Variants in MLC1 observed in about 807,000 individuals in gnomAD.
The protein encoded by MLC1 is membrane protein MLC1.
In MLC1, 32 loss-of-function variants were observed where a neutral mutation model predicts 44.7. That is an observed-to-expected ratio of 0.72 (90% CI 0.54 to 0.96). The LOEUF is 0.96. Ranked by LOEUF, MLC1 falls within the 40% of genes least tolerant of loss-of-function variation. The pLI is 0.00. For synonymous variants in MLC1, 190 were observed against 213.0 expected (o/e 0.89, Z 0.94); for missense variants, 459 against 492.2 (o/e 0.93, Z 0.64).
chr22:50,083,063 G>C lies in MLC1; in HGVS notation c.267+21C>G. The C allele has an allele frequency of 3.1e-6, 5 of 1,611,530 alleles. No individual in the cohort carries two copies. The highest frequency in any genetic ancestry group is 4.2e-6 in the Non-Finnish European group (5 of 1,177,808). ...GCCGGCGAGCTTGGGCACTGGCAGA[G>C]GCGTGGAGGAAGCTGCTTACAGAGC... is the stretch of plus-strand genomic sequence containing the variant. On this transcript the variant is annotated intron_variant, in intron 3 of 11. Transcript: ENST00000311597. This position sits in a 1 kb window ranked among gnomAD's most constrained non-coding sequence, Gnocchi z 4.6.
At chr22:50,085,158 G>C in intron 1 of MLC1, 197 bp from the exon 2 acceptor site, 1 of 1,363,968 alleles carries the variant, frequency 7.3e-7, no homozygotes. Context: ...CTGGGTTCAG[G>C]GTGAGATTCT....
chr22:50,071,461 G>A (rs548879957), intron 8 of MLC1, among the ~76,000 whole-genome samples: 3 of 152,302 alleles, frequency 2.0e-5, no homozygotes, highest in East Asian at 1.9e-4. Context: ...CATTGAGCTC[G>A]TAGTCTCCTT....
intron 3 of MLC1, among the ~76,000 whole-genome samples, chr22:50,082,283 A>G (rs2062165099): frequency 6.6e-6 from 1 of 152,166 alleles, no homozygotes; most frequent in Admixed American, 6.5e-5. Context: ...CTTGCGGGCC[A>G]GAGCCCAGGG....
At chr22:50,062,125 C>A in intron 11 of MLC1, among the ~76,000 whole-genome samples, 1 of 146,452 alleles carries the variant, frequency 6.8e-6, no homozygotes, top group South Asian at 2.3e-4. Context: ...AGTTGTCCAC[C>A]CTGAGCCCCA....
chr22:50,081,038 A>AAAGAAAGAAAGAAAGAAAGAAAGGAAGG (rs1569250887), intron 3 of MLC1, among the ~76,000 whole-genome samples: 6 of 125,038 alleles, frequency 4.8e-5, no homozygotes, highest in African/African-American at 1.6e-4. Context: ...AGAAAGAAAG[A>AAAGAAAGAAAGAAAGAAAGAAAGGAAGG]AAGAAAGAAA....
At chr22:50,080,427 G>T in intron 3 of MLC1, 30 bp from the exon 4 acceptor site, 1 of 1,586,806 alleles carries the variant, frequency 6.3e-7, no homozygotes, top group East Asian at 2.3e-5. Context: ...CCATGAGCCT[G>T]CCGCTCACCT....
intron 5 of MLC1, among the ~76,000 whole-genome samples, chr22:50,078,736 C>CA (rs879341455): frequency 3.1e-3 from 295 of 95,710 alleles, no homozygotes; most frequent in Middle Eastern, 6.1e-3. Context: ...GAGACTGTCT[C>CA]AAAAAAAAAA....
At chr22:50,068,308 G>A (rs2061762449) in intron 10 of MLC1, 125 bp downstream of exon 10, 3 of 1,380,166 alleles carry the variant, frequency 2.2e-6, no homozygotes. Flanking sequence ...GAACAGCGGA[G>A]GAGGTGCCTC....
At chr22:50,082,543 C>A (rs1449124401) in intron 3 of MLC1, among the ~76,000 whole-genome samples, 2 of 152,268 alleles carry the variant, frequency 1.3e-5, no homozygotes, top group Non-Finnish European at 2.9e-5. Context: ...GGCTCAGAAT[C>A]AACACGCAAT....
intron 8 of MLC1, 104 bp downstream of exon 8, chr22:50,074,112 G>T: frequency 1.1e-6 from 1 of 935,748 alleles, no homozygotes; most frequent in Non-Finnish European, 1.7e-6. Flanking sequence ...CCTCTGTGGT[G>T]ACTCTCTGTC....
At chr22:50,084,008 G>C (rs1019025185) in intron 2 of MLC1, among the ~76,000 whole-genome samples, 7 of 152,186 alleles carry the variant, frequency 4.6e-5, no homozygotes, top group African/African-American at 1.4e-4. Flanking sequence ...CAGGACCACT[G>C]TGGGTGCTGC....
chr22:50,080,247 T>A (rs1035783017), intron 4 of MLC1, 97 bp downstream of exon 4: 1 of 1,436,784 alleles, frequency 7.0e-7, no homozygotes, highest in Non-Finnish European at 9.5e-7. Context: ...TGCCACAACG[T>A]CTGTGCGTGG....
rs76282126 is a variant in MLC1, at chr22:50,076,753, A to C, written c.597+88T>G. 1.6e-3 allele frequency: 2,332 copies of C among 1,445,996 alleles called. 36 individuals are homozygous for C. The African/African-American group carries it at 0.028, about 18-fold the overall frequency. The allele number at this position is 1,445,996 out of a possible 1,614,324, so 89.6% of individuals were successfully genotyped here. A position where few individuals can be genotyped will look rare whatever the true frequency, so the allele number is the denominator to read the frequency against. On this transcript the variant is annotated intron_variant, in intron 7 of 11. Coordinates refer to ENST00000311597, the MANE Select transcript of MLC1 (RefSeq NM_015166.4). Reference sequence around the variant, plus strand: ...GGTGTAGACAGCCAACTCTTCGCCAACTCGGAATCGAAACGTGACGTTTAA... The same window carrying C: ...GGTGTAGACAGCCAACTCTTCGCCACCTCGGAATCGAAACGTGACGTTTAA...
At chr22:50,078,324 A>G (rs1018448786) in intron 5 of MLC1, among the ~76,000 whole-genome samples, 3 of 152,182 alleles carry the variant, frequency 2.0e-5, no homozygotes, top group African/African-American at 7.2e-5. Context: ...AAAAAGAAAG[A>G]GTGCAGAACC....
rs41283489 is a variant in MLC1, at chr22:50,059,819, C to A, written c.*1764G>T. The A allele has an allele frequency of 0.13, 19,836 of 152,392 alleles. 1,696 individuals are homozygous for A. Among genetic ancestry groups the A allele is most frequent in the Non-Finnish European group, 0.19 (13,069 of 68,032 alleles). The allele number at this position is 152,392 out of a possible 1,614,324, so 9.4% of individuals were successfully genotyped here. On this transcript the variant is annotated 3_prime_UTR_variant, in exon 12 of 12. Coordinates refer to ENST00000311597, the MANE Select transcript of MLC1 (RefSeq NM_015166.4). Reference sequence around the variant, plus strand: ...GTCCTTCCGGAGCTGCCGAGGACTGCAGAGAGGGCCTGGCTTGTCCCCTCT... The same window carrying A: ...GTCCTTCCGGAGCTGCCGAGGACTGAAGAGAGGGCCTGGCTTGTCCCCTCT...
At chr22:50,065,195 A>T (rs1234902058) in intron 10 of MLC1, among the ~76,000 whole-genome samples, 1 of 152,188 alleles carries the variant, frequency 6.6e-6, no homozygotes, top group Non-Finnish European at 1.5e-5. Flanking sequence ...CTGGGATTAC[A>T]GGCATGTGCC....
rs985307437 is a variant in MLC1, at chr22:50,060,601, C to T, written c.*982G>A. On this transcript the variant is annotated 3_prime_UTR_variant, in exon 12 of 12. Coordinates refer to ENST00000311597, the MANE Select transcript of MLC1 (RefSeq NM_015166.4). Reference sequence around the variant, plus strand: ...TGGGAGCAAACACAGGAGGGAGGGGCTCAGCTTCCCCCGGTCACTGGGGCC... The same window carrying T: ...TGGGAGCAAACACAGGAGGGAGGGGTTCAGCTTCCCCCGGTCACTGGGGCC... The T allele has an allele frequency of 6.5e-6, 1 of 152,782 alleles. No homozygotes were observed. The highest frequency in any genetic ancestry group is 1.5e-5 in the Non-Finnish European group (1 of 68,388). The allele number at this position is 152,782 out of a possible 1,614,324, so 9.5% of individuals were successfully genotyped here. A position where few individuals can be genotyped will look rare whatever the true frequency, so the allele number is the denominator to read the frequency against.
chr22:50,068,585 C>T (rs751685674), intron 9 of MLC1, 30 bp from the exon 10 acceptor site: 17 of 1,391,578 alleles, frequency 1.2e-5, no homozygotes, highest in African/African-American at 7.5e-5. Flanking sequence ...TGCAGGACCA[C>T]GGCCGGAGCC....
At position 50,079,863 on chromosome 22, in the gene MLC1, C is replaced by G. The variant is rs774374899; in HGVS notation, c.423+55G>C. The G allele has an allele frequency of 6.5e-6, 8 of 1,237,468 alleles. No individual in the cohort carries two copies. The South Asian group carries it at 9.6e-5, about 15-fold the overall frequency. 76.7% of individuals were successfully genotyped at this position (1,237,468 alleles called of 1,614,324 possible). ...TCAACAAACATTTGCTGACACCATT[C>G]GTGGGAGTGGGGCTGTGGGTGTCAG... On this transcript the variant is annotated intron_variant, in intron 5 of 11. Coordinates refer to ENST00000311597, the MANE Select transcript of MLC1 (RefSeq NM_015166.4).
Sources: gnomAD v4.1 joint callset for allele counts (sites outside exome capture counted in the v4.1 genomes callset) on GRCh38, gnomAD v4.1.1 for gene constraint, Gnocchi (gnomAD v3.1) non-coding constraint, MANE v1.5 for transcripts, NCBI Gene and HGNC (gene_info 2026-07-23, HGNC 2026-07-21) for gene names.